SLC26A9: variants seen among roughly 807,000 people sequenced by gnomAD.
SLC26A9 encodes the protein anion transporter/exchanger protein 9.
In SLC26A9, 46 loss-of-function variants were observed where a neutral mutation model predicts 87.1. The observed-to-expected ratio is 0.53, with a 90% CI of 0.42 to 0.67. SLC26A9 has a LOEUF of 0.67. Among genes scored for constraint, SLC26A9 ranks in the 30% least tolerant of loss-of-function variants. SLC26A9 has a pLI of 0.00. For missense variants in SLC26A9, 927 were observed against 1,018.3 expected, an observed-to-expected ratio of 0.91 and a Z score of 1.22; for synonymous variants, 437 against 409.1, an observed-to-expected ratio of 1.07 and a Z score of -0.82.
intron 12 of SLC26A9, 38 bp from the exon 13 acceptor site, chr1:205,924,527 A>G: frequency 6.3e-7 from 1 of 1,593,312 alleles, no homozygotes; most frequent in African/African-American, 1.3e-5. Flanking sequence ...ACCTGGGGAA[A>G]AAACAACCTC....
rs1293115127 is a variant in SLC26A9, at chr1:205,913,352, C to T, written c.*2005G>A. On this transcript the variant is annotated 3_prime_UTR_variant, in exon 21 of 21. Coordinates refer to ENST00000367135, the MANE Select transcript of SLC26A9 (RefSeq NM_052934.4). Reference sequence around the variant, plus strand: ...TCATGTGTTTCCAATCTTACCTCCACAGCGGGCTCTGCAACCCTCAGACAT... The same window carrying T: ...TCATGTGTTTCCAATCTTACCTCCATAGCGGGCTCTGCAACCCTCAGACAT... 1.3e-5 allele frequency: 2 copies of T among 152,734 alleles called. No individual in the cohort carries two copies. Among genetic ancestry groups the T allele is most frequent in the East Asian group, 3.9e-4 (2 of 5,186 alleles). 9.5% of individuals were successfully genotyped at this position (152,734 alleles called of 1,614,324 possible).
Position 205,920,173 on chromosome 1 carries a change from T to C in SLC26A9, c.2110+3A>G. On this transcript the variant is annotated splice_donor_region_variant and intron_variant, in intron 18 of 20. Transcript: ENST00000367135. ...CAGTCCCTAAATGTCCTCTTTCTCT[T>C]ACCATGGATGTTCACCAAGAAGACC... 1 of 1,613,902 alleles carries C rather than the reference T, an allele frequency of 6.2e-7. No individual in the cohort carries two copies. Among genetic ancestry groups the C allele is most frequent in the Middle Eastern group, 1.7e-4 (1 of 6,060 alleles).
rs754742105 is a variant in SLC26A9, at chr1:205,932,963, A to G, written c.247T>C (p.Ser83Pro). The G allele has an allele frequency of 1.7e-5, 28 of 1,613,970 alleles. No individual in the cohort carries two copies. Among genetic ancestry groups the G allele is most frequent in the Non-Finnish European group, 2.4e-5 (28 of 1,179,966 alleles). ...PDLLGGLSGG[S>P]IQVPQGMAFA... The stretch of plus-strand genomic sequence containing the variant: ...CCTTCACCTTGTGGGACCTGGATGG[A>G]TCCCCCGCTGAGTCCACCGAGCAGG... The change falls in exon 3 of 21, where the codon TCC becomes CCC. Residue 83 changes from serine to proline, a missense_variant. Transcript: ENST00000367135.
chr1:205,915,140 C>A lies in SLC26A9; in HGVS notation c.*217G>T, dbSNP rs746589212. On this transcript the variant is annotated 3_prime_UTR_variant, in exon 21 of 21. Coordinates refer to ENST00000367135, the MANE Select transcript of SLC26A9 (RefSeq NM_052934.4). ...GTGAAGAGTGGGCTCACCAGACTCT[C>A]ACTCCTGTAAGGGTAGCACCCCCCT... 12 of 1,613,612 alleles carry A rather than the reference C, an allele frequency of 7.4e-6. No individual in the cohort carries two copies. The East Asian group carries it at 2.7e-4, about 36-fold the overall frequency.
chr1:205,938,880 G>C (rs896918217), intron 1 of SLC26A9, among the ~76,000 whole-genome samples: 1 of 152,220 alleles, frequency 6.6e-6, no homozygotes, highest in African/African-American at 2.4e-5. Context: ...AAGCGGCAGG[G>C]GTGGTGGAAG....
chr1:205,923,540 C>T lies in SLC26A9; in HGVS notation c.1566+4G>A. 4 of 1,614,210 alleles carry T rather than the reference C, an allele frequency of 2.5e-6. No homozygotes were observed. Among genetic ancestry groups the T allele is most frequent in the Non-Finnish European group, 3.4e-6 (4 of 1,180,046 alleles). On this transcript the variant is annotated splice_donor_region_variant and intron_variant, in intron 14 of 20. Coordinates refer to ENST00000367135, the MANE Select transcript of SLC26A9 (RefSeq NM_052934.4). ...GAAGGAGGTCATAAGCTTGAATTAC[C>T]TACCCTATTATAGGTCTTGGGATTC...
chr1:205,918,934 A>G lies in SLC26A9; in HGVS notation c.2162T>C (p.Leu721Pro), dbSNP rs1658709059. Residue 721 changes from leucine (L) to proline (P), a missense_variant, in exon 19 of 21, where the codon CTA (leucine) becomes CCA (proline). By Grantham distance (98) the Leu-to-Pro change is moderately conservative. Coordinates refer to ENST00000367135, the MANE Select transcript of SLC26A9 (RefSeq NM_052934.4). ...GCTGGGAAAGACGTGCTTGCATTCT[A>G]GACTCCCATCCTCAAAGACGCCTCC... ...SHGGVFEDGS[L>P]ECKHVFPSIH... 4 of 1,614,238 alleles carry G rather than the reference A, an allele frequency of 2.5e-6. No individual in the cohort carries two copies. The East Asian group carries it at 8.9e-5, about 36-fold the overall frequency.
chr1:205,928,952 G>A, intron 7 of SLC26A9, 43 bp from the exon 8 acceptor site: 1 of 1,608,826 alleles, frequency 6.2e-7, no homozygotes, highest in Non-Finnish European at 8.5e-7. Flanking sequence ...CCCTAAGGTG[G>A]GGCCAGGGCA....
intron 20 of SLC26A9, among the ~76,000 whole-genome samples, chr1:205,916,299 G>A (rs1658589381): frequency 6.6e-6 from 1 of 152,146 alleles, no homozygotes; most frequent in Admixed American, 6.6e-5. Context: ...GTTTCGCCAT[G>A]TTGGCCAGGC....
Position 205,931,784 on chromosome 1 carries a change from C to T in SLC26A9, c.552+76G>A, listed in dbSNP as rs994759809. On this transcript the variant is annotated intron_variant, in intron 5 of 20. Coordinates refer to ENST00000367135, the MANE Select transcript of SLC26A9 (RefSeq NM_052934.4). The stretch of plus-strand genomic sequence containing the variant: ...ACCCAGCCCCCTAAATCAGATTTAG[C>T]ATCAAAGCTAAGGCTTTGAGGGAGG... 4 of 1,521,228 alleles carry T rather than the reference C, an allele frequency of 2.6e-6. No homozygotes were observed. In the African/African-American group the frequency reaches 4.2e-5, roughly 16 times the overall value. 94.2% of individuals were successfully genotyped at this position (1,521,228 alleles called of 1,614,324 possible).
At chr1:205,921,312 G>A (rs1034685661) in intron 17 of SLC26A9, among the ~76,000 whole-genome samples, 3 of 152,168 alleles carry the variant, frequency 2.0e-5, no homozygotes, top group African/African-American at 4.8e-5. Context: ...TGCTGGGGGT[G>A]TTGGGAGCAC....
intron 12 of SLC26A9, 92 bp from the exon 13 acceptor site, chr1:205,924,581 G>C: frequency 3.8e-6 from 4 of 1,039,796 alleles, no homozygotes; most frequent in Non-Finnish European, 5.7e-6. Flanking sequence ...TTCTCTGTTA[G>C]TACAACCTCA....
At chr1:205,930,188 C>T in intron 5 of SLC26A9, 132 bp from the exon 6 acceptor site, 1 of 938,840 alleles carries the variant, frequency 1.1e-6, no homozygotes, top group Non-Finnish European at 1.5e-6. Context: ...GGGAATTGGA[C>T]CATCTGTGAC....
intron 20 of SLC26A9, 146 bp from the exon 21 acceptor site, chr1:205,915,550 G>T: frequency 8.9e-7 from 1 of 1,128,116 alleles, no homozygotes. Context: ...GTGTGTGTGC[G>T]AGAGTGTGTG....
At chr1:205,929,792 C>T in intron 6 of SLC26A9, 100 bp downstream of exon 6, 3 of 1,393,596 alleles carry the variant, frequency 2.2e-6, no homozygotes, top group Non-Finnish European at 2.9e-6. Flanking sequence ...GCTAAGCCAG[C>T]CCTTGCAATG....
chr1:205,930,277 A>G, intron 5 of SLC26A9: 1 of 401,852 alleles, frequency 2.5e-6, no homozygotes, highest in African/African-American at 2.0e-5. Flanking sequence ...TTTCTGTCAC[A>G]TCACCTCTCT....
At chr1:205,932,107 G>A (rs1463123450) in intron 4 of SLC26A9, 72 bp from the exon 5 acceptor site, 47 of 1,574,786 alleles carry the variant, frequency 3.0e-5, no homozygotes, top group Non-Finnish European at 3.9e-5. Context: ...AAGGGGCCCA[G>A]GAATGCTTCC....
chr1:205,934,459 C>A (rs1659428889), intron 2 of SLC26A9, among the ~76,000 whole-genome samples: 1 of 152,170 alleles, frequency 6.6e-6, no homozygotes. Context: ...GAGGGCTAGT[C>A]CATGCCCAAC....
intron 6 of SLC26A9, among the ~76,000 whole-genome samples, chr1:205,929,651 G>A (rs139911041): frequency 6.6e-6 from 1 of 152,326 alleles, no homozygotes; most frequent in East Asian, 1.9e-4. Context: ...GAGGGGTTGA[G>A]GCACTAGAAT....
Sources: gnomAD v4.1 joint callset for allele counts (sites outside exome capture counted in the v4.1 genomes callset) on GRCh38, gnomAD v4.1.1 for gene constraint, MANE v1.5 for transcripts, NCBI Gene and HGNC (gene_info 2026-07-23, HGNC 2026-07-21) for gene names.